Variants in MAN1C1 observed in about 807,000 individuals in gnomAD.
MAN1C1 encodes the protein mannosidase alpha class 1C member 1, also known as mannosyl-oligosaccharide 1,2-alpha-mannosidase IC.
MAN1C1 carries 49 observed loss-of-function variants against 71.5 expected under a neutral mutation model. That is an observed-to-expected ratio of 0.69 (90% CI 0.54 to 0.87). MAN1C1 has a LOEUF of 0.87. Among genes scored for constraint, MAN1C1 ranks in the 40% least tolerant of loss-of-function variants. The pLI, the probability that MAN1C1 is intolerant of heterozygous loss-of-function variation, is 0.00. For missense variants in MAN1C1, 743 were observed against 835.0 expected (o/e 0.89, Z 1.36); for synonymous variants, 352 against 343.7 (o/e 1.02, Z -0.27).
intron 7 of MAN1C1, among the ~76,000 whole-genome samples, chr1:25,766,759 C>A (rs565827880): frequency 6.6e-6 from 1 of 152,118 alleles, no homozygotes; most frequent in South Asian, 2.1e-4. Context: ...CCCCTCGGTG[C>A]GGCACCTGAG....
chr1:25,749,670 A>C (rs766719784), intron 4 of MAN1C1, among the ~76,000 whole-genome samples: 1 of 152,094 alleles, frequency 6.6e-6, no homozygotes, highest in East Asian at 1.9e-4. Flanking sequence ...GGTGAGCCCA[A>C]CTGGCTCCCA....
chr1:25,780,417 C>CA lies in MAN1C1; in HGVS notation c.1478-523_1478-522insA, dbSNP rs560664930. ...TCTACCTCAGCTGTTCCCAAACTCT[C>CA]GAAGTTTGTTCTGGGAGGTGTTAAA... On this transcript the variant is annotated intron_variant, in intron 9 of 11. Transcript: ENST00000374332. Among the ~76,000 whole-genome samples the CA allele has an allele frequency of 2.5e-4, 38 of 152,182 alleles. No homozygotes were observed. In the South Asian group the frequency reaches 4.4e-3, roughly 17 times the overall value.
rs1245019244 is a variant in MAN1C1 at position 25,749,281 on chromosome 1, G to A, written c.780G>A (p.Val260=). 1.2e-6 allele frequency: 2 copies of A among 1,612,586 alleles called. No homozygotes were observed. Among genetic ancestry groups the A allele is most frequent in the Non-Finnish European group, 1.7e-6 (2 of 1,179,372 alleles). ...GCGGAGAAGCATCCTTGTTTGAGGTGAACATCCGCTACATCGGGGGACTCC... is the reference window on the plus strand; with the variant it reads ...GCGGAGAAGCATCCTTGTTTGAGGTAAACATCCGCTACATCGGGGGACTCC... ...NVSGEASLFE[V]NIRYIGGLLS... Residue 260 remains valine (V), a synonymous_variant, in exon 4 of 12, where the codon GTG becomes GTA. Transcript: ENST00000374332.
intron 2 of MAN1C1, among the ~76,000 whole-genome samples, chr1:25,734,532 G>T (rs2046954629): frequency 6.6e-6 from 1 of 152,266 alleles, no homozygotes; most frequent in Non-Finnish European, 1.5e-5. Context: ...CTGGCATTTA[G>T]AATTCCACAT....
intron 2 of MAN1C1, among the ~76,000 whole-genome samples, chr1:25,695,018 C>T (rs2046352416): frequency 6.6e-6 from 1 of 152,078 alleles, no homozygotes; most frequent in African/African-American, 2.4e-5. Flanking sequence ...CACACCCTTC[C>T]CGGTGTATAC....
At chr1:25,731,330 A>ATCG (rs2046907161) in intron 2 of MAN1C1, among the ~76,000 whole-genome samples, 1 of 143,374 alleles carries the variant, frequency 7.0e-6, no homozygotes, top group African/African-American at 2.9e-5. Flanking sequence ...AATAATCATC[A>ATCG]TCATCGTCAT....
chr1:25,780,535 T>C lies in MAN1C1; in HGVS notation c.1478-405T>C, dbSNP rs1379144308. 2.0e-5 allele frequency among the ~76,000 whole-genome samples: 3 copies of C among 152,214 alleles called. No individual in the cohort carries two copies. In the South Asian group the frequency reaches 6.2e-4, roughly 32 times the overall value. ...ATAAATCCTGCAGATGGGAGACTTA[T>C]TTTGTTTAACCCTCGGTTCCCCAGA... On this transcript the variant is annotated intron_variant, in intron 9 of 11. Transcript: ENST00000374332.
intron 1 of MAN1C1, among the ~76,000 whole-genome samples, chr1:25,639,160 T>A (rs1325431712): frequency 6.6e-6 from 1 of 152,172 alleles, no homozygotes; most frequent in Admixed American, 6.5e-5. Flanking sequence ...ACTTTTTTAT[T>A]TCAGGCAGTT....
chr1:25,637,044 A>G (rs1473379894), intron 1 of MAN1C1, among the ~76,000 whole-genome samples: 2 of 152,162 alleles, frequency 1.3e-5, no homozygotes, highest in Admixed American at 6.5e-5. Context: ...AATCCCAGCT[A>G]CTTGGCCGGC....
chr1:25,759,559 A>T (rs1349272864), intron 6 of MAN1C1: 5 of 152,090 alleles, frequency 3.3e-5, no homozygotes, highest in Non-Finnish European at 7.4e-5. Flanking sequence ...TCCCACCTCT[A>T]TGCCACGGCT....
chr1:25,777,393 G>A (rs2047632489), intron 8 of MAN1C1, among the ~76,000 whole-genome samples: 1 of 152,116 alleles, frequency 6.6e-6, no homozygotes, highest in African/African-American at 2.4e-5. Flanking sequence ...ACATCCCAGA[G>A]TCTTTACAAC....
At chr1:25,710,302 G>A (rs2046596707) in intron 2 of MAN1C1, among the ~76,000 whole-genome samples, 1 of 152,246 alleles carries the variant, frequency 6.6e-6, no homozygotes, top group South Asian at 2.1e-4. Context: ...TCAAACAAGT[G>A]TTGAGAAGAT....
chr1:25,651,875 T>A (rs1327615022), intron 1 of MAN1C1, among the ~76,000 whole-genome samples: 1 of 152,224 alleles, frequency 6.6e-6, no homozygotes, highest in Non-Finnish European at 1.5e-5. Flanking sequence ...CTAAGTCCTG[T>A]TCCATGTAGG....
At chr1:25,740,075 A>G (rs2124321617) in intron 2 of MAN1C1, among the ~76,000 whole-genome samples, 1 of 152,318 alleles carries the variant, frequency 6.6e-6, no homozygotes. Context: ...CCTAGGAGCC[A>G]ACCCCTCAGG....
chr1:25,758,740 G>T, intron 6 of MAN1C1, 31 bp downstream of exon 6: 1 of 1,579,898 alleles, frequency 6.3e-7, no homozygotes, highest in South Asian at 1.1e-5. Context: ...TCTTCCTGCG[G>T]AGCAGAGGGA....
intron 1 of MAN1C1, among the ~76,000 whole-genome samples, chr1:25,647,440 A>G (rs908996543): frequency 2.6e-5 from 4 of 152,132 alleles, no homozygotes; most frequent in Admixed American, 6.5e-5. Context: ...AGGTGGGTCC[A>G]AGCCCAGCCC....
chr1:25,782,615 G>T lies in MAN1C1; in HGVS notation c.1681G>T (p.Gly561Cys). The T allele has an allele frequency of 2.5e-6, 4 of 1,614,066 alleles. No individual in the cohort carries two copies. Among genetic ancestry groups the T allele is most frequent in the Non-Finnish European group, 3.4e-6 (4 of 1,179,988 alleles). ...ALEKYCRTEA[G>C]FSGIQDVYSS... ...GGAGAAATACTGTCGGACAGAAGCCGGTTTCTCTGGGATCCAAGACGTGTA... is the reference window on the plus strand; with the variant it reads ...GGAGAAATACTGTCGGACAGAAGCCTGTTTCTCTGGGATCCAAGACGTGTA... The change falls in exon 11 of 12, where the codon GGT (glycine) becomes TGT (cysteine). Residue 561 changes from glycine (G) to cysteine (C), a missense_variant. Physicochemically the swap from Gly to Cys is radical, Grantham distance 159. Transcript: ENST00000374332. This position sits in a 1 kb window ranked among gnomAD's most constrained non-coding sequence, Gnocchi z 4.4.
chr1:25,682,265 G>A (rs2046165489), intron 1 of MAN1C1, among the ~76,000 whole-genome samples: 1 of 152,212 alleles, frequency 6.6e-6, no homozygotes. Flanking sequence ...ATTATGCAAA[G>A]CAGGCAGACA....
intron 1 of MAN1C1, among the ~76,000 whole-genome samples, chr1:25,684,827 C>A (rs1268694): frequency 0.22 from 33,402 of 152,184 alleles, 6,262 homozygotes; most frequent in African/African-American, 0.51. Flanking sequence ...ACTGTCTGGG[C>A]GTGAGGTGAG....
Sources: allele counts gnomAD v4.1 joint callset (sites outside exome capture counted in the v4.1 genomes callset), GRCh38; gene constraint gnomAD v4.1.1; non-coding constraint Gnocchi (gnomAD v3.1); transcripts MANE v1.5; gene names NCBI Gene and HGNC (gene_info 2026-07-23, HGNC 2026-07-21).